PCDH9: variants seen among roughly 807,000 people sequenced by gnomAD.
The protein encoded by PCDH9 is protocadherin-9.
A neutral mutation model predicts 70.6 loss-of-function variants in PCDH9; 24 were observed. The ratio of observed to expected loss-of-function variants is 0.34; its 90% CI spans 0.25 to 0.48. The LOEUF is 0.48. Ranked by LOEUF, PCDH9 falls within the 20% of genes least tolerant of loss-of-function variation. The pLI is 0.99. For synonymous variants in PCDH9, 562 were observed against 558.5 expected (o/e 1.01, Z -0.09); for missense variants, 1,281 against 1,503.6 (o/e 0.85, Z 2.45).
chr13:66,535,462 AC>A (rs1305166419), intron 4 of PCDH9, among the ~76,000 whole-genome samples: 3 of 152,074 alleles, frequency 2.0e-5, no homozygotes, highest in African/African-American at 7.2e-5. Flanking sequence ...GGCTGCATTT[AC>A]CAGCTGTAGT....
rs375865691 is a variant in PCDH9 at position 66,372,426 on chromosome 13, A to G, written c.3341-67398T>C. Among the ~76,000 whole-genome samples the G allele has an allele frequency of 1.1e-4, 16 of 151,936 alleles. No individual in the cohort carries two copies. In the South Asian group the frequency reaches 3.1e-3, roughly 30 times the overall value. On this transcript the variant is annotated intron_variant, in intron 4 of 4. Coordinates refer to ENST00000377865, the MANE Select transcript of PCDH9 (RefSeq NM_203487.3). ...TAAATTTCCAGATGGTGAACATCAT[A>G]TAAAAAGAGTCGAGAAGATCAGAAA...
intron 4 of PCDH9, among the ~76,000 whole-genome samples, chr13:66,518,871 G>T (rs1566386535): frequency 1.3e-5 from 2 of 152,132 alleles, no homozygotes; most frequent in Admixed American, 6.6e-5. Flanking sequence ...ATTAACACCA[G>T]GGCAAATTGC....
intron 4 of PCDH9, among the ~76,000 whole-genome samples, chr13:66,354,974 G>A (rs1285468028): frequency 6.6e-6 from 1 of 152,114 alleles, no homozygotes; most frequent in Non-Finnish European, 1.5e-5. Flanking sequence ...TTAAGTCTGG[G>A]TGGGATAAGG....
At chr13:66,753,933 T>C (rs1215788753) in intron 3 of PCDH9, among the ~76,000 whole-genome samples, 1 of 152,214 alleles carries the variant, frequency 6.6e-6, no homozygotes, top group African/African-American at 2.4e-5. Flanking sequence ...AACCTTCATA[T>C]TCTTCTGTTA....
intron 4 of PCDH9, among the ~76,000 whole-genome samples, chr13:66,364,510 C>A (rs1394753505): frequency 6.6e-6 from 1 of 152,100 alleles, no homozygotes; most frequent in Non-Finnish European, 1.5e-5. Flanking sequence ...TCTTACTGAG[C>A]AGTAAGTTTA....
intron 2 of PCDH9, among the ~76,000 whole-genome samples, chr13:67,030,231 C>T (rs1187262837): frequency 6.6e-6 from 1 of 152,142 alleles, no homozygotes; most frequent in Non-Finnish European, 1.5e-5. Flanking sequence ...TCAATACACA[C>T]AAATGGGCAT....
intron 2 of PCDH9, among the ~76,000 whole-genome samples, chr13:67,084,997 A>AAAAATAAT (rs1566414172): frequency 3.0e-5 from 1 of 33,202 alleles, no homozygotes; most frequent in African/African-American, 1.2e-4. Context: ...AAAAAAAAAA[A>AAAAATAAT]ATATATATAT....
At chr13:66,332,781 C>T (rs971463671) in intron 4 of PCDH9, among the ~76,000 whole-genome samples, 10 of 151,702 alleles carry the variant, frequency 6.6e-5, no homozygotes, top group African/African-American at 2.4e-4. Flanking sequence ...AGAAAAATCA[C>T]ACTGTTTAGC....
chr13:67,124,030 T>C (rs976560167), intron 2 of PCDH9, among the ~76,000 whole-genome samples: 1 of 152,140 alleles, frequency 6.6e-6, no homozygotes, highest in African/African-American at 2.4e-5. Context: ...TGACTGAATA[T>C]GAATCATTCG....
In PCDH9 at chr13:67,227,442, A is replaced by G. The variant is rs748913201; in HGVS notation, c.999T>C (p.Ser333=). ...TAIHKVTVLA[S]DGSSTPARAT... ...CTCGAGCAGGAGTGGAGCTGCCGTC[A>G]CTAGCCAGCACTGTCACTTTGTGAA... The change falls in exon 2 of 5, where the codon AGT becomes AGC. Residue 333 remains serine (S), a synonymous_variant. Transcript: ENST00000377865. This position sits in a 1 kb window ranked among gnomAD's most constrained non-coding sequence, Gnocchi z 4.6. The G allele has an allele frequency of 4.4e-5, 71 of 1,614,008 alleles. 1 individual carries two copies. In the African/African-American group the frequency reaches 6.9e-4, roughly 16 times the overall value.
intron 2 of PCDH9, among the ~76,000 whole-genome samples, chr13:67,111,815 C>T (rs1480565342): frequency 6.6e-6 from 1 of 152,096 alleles, no homozygotes; most frequent in African/African-American, 2.4e-5. Flanking sequence ...ACCTTCACTT[C>T]TTTAGGCTAA....
chr13:66,312,906 A>G (rs1955588309), intron 4 of PCDH9, among the ~76,000 whole-genome samples: 2 of 152,212 alleles, frequency 1.3e-5, no homozygotes, highest in Admixed American at 6.5e-5. Flanking sequence ...ACATTTGCAG[A>G]TGGAGACAGT....
intron 2 of PCDH9, among the ~76,000 whole-genome samples, chr13:67,148,581 T>A (rs1410097741): frequency 6.6e-6 from 1 of 152,234 alleles, no homozygotes; most frequent in Non-Finnish European, 1.5e-5. Flanking sequence ...TTCTTTTTTT[T>A]AATTACCACT....
At chr13:66,608,157 T>C (rs573923276) in intron 4 of PCDH9, among the ~76,000 whole-genome samples, 18 of 148,506 alleles carry the variant, frequency 1.2e-4, no homozygotes, top group Non-Finnish European at 6.1e-5. Flanking sequence ...GATATATGTG[T>C]TTGTGTGTGT....
At chr13:67,124,864 C>T (rs1158946280) in intron 2 of PCDH9, among the ~76,000 whole-genome samples, 1 of 152,130 alleles carries the variant, frequency 6.6e-6, no homozygotes, top group Non-Finnish European at 1.5e-5. Flanking sequence ...ACATCTCCCC[C>T]TAACACTTAC....
intron 2 of PCDH9, among the ~76,000 whole-genome samples, chr13:67,153,850 A>G (rs751068298): frequency 4.6e-5 from 7 of 152,234 alleles, no homozygotes; most frequent in Admixed American, 2.0e-4. Context: ...TTACTCTGAA[A>G]CAACTGAATT....
At chr13:66,665,009 C>T (rs2078073842) in intron 3 of PCDH9, among the ~76,000 whole-genome samples, 1 of 152,132 alleles carries the variant, frequency 6.6e-6, no homozygotes, top group African/African-American at 2.4e-5. Flanking sequence ...AATGGAAAAA[C>T]CCAGCTTAAC....
chr13:67,192,808 A>G (rs1050584272), intron 2 of PCDH9, among the ~76,000 whole-genome samples: 1 of 152,108 alleles, frequency 6.6e-6, no homozygotes, highest in Admixed American at 6.6e-5. Context: ...CTTTGAAACC[A>G]CTCGATTTAA....
chr13:66,858,212 T>C (rs146290720), intron 3 of PCDH9, among the ~76,000 whole-genome samples: 1 of 152,284 alleles, frequency 6.6e-6, no homozygotes, highest in East Asian at 1.9e-4. Flanking sequence ...GTGGAGAGTA[T>C]GCCATTAAAT....
Sources: gnomAD v4.1 joint callset for allele counts (sites outside exome capture counted in the v4.1 genomes callset) on GRCh38, gnomAD v4.1.1 for gene constraint, Gnocchi (gnomAD v3.1) non-coding constraint, MANE v1.5 for transcripts, NCBI Gene and HGNC (gene_info 2026-07-23, HGNC 2026-07-21) for gene names.